PRKN: variants seen among roughly 807,000 people sequenced by gnomAD.
The protein encoded by PRKN is E3 ubiquitin-protein ligase parkin.
A neutral mutation model predicts 59.5 loss-of-function variants in PRKN; 56 were observed. The observed-to-expected ratio is 0.94, with a 90% confidence interval of 0.76 to 1.18. The LOEUF (loss-of-function observed/expected upper bound fraction) is 1.18, where lower values mean the gene tolerates loss of function less well. Ranked by LOEUF, PRKN falls within the 50% of genes most tolerant of loss-of-function variation. PRKN has a pLI of 0.00. For synonymous variants in PRKN, 250 were observed against 222.1 expected (o/e 1.13, Z -1.12); for missense variants, 657 against 596.4 (o/e 1.10, Z -1.06).
chr6:161,580,210 C>A (rs1186777725), intron 7 of PRKN, among the ~76,000 whole-genome samples: 1 of 152,124 alleles, frequency 6.6e-6, no homozygotes, highest in Non-Finnish European at 1.5e-5. Context: ...AGTAATTATT[C>A]TTTATTTTAA....
chr6:161,643,496 G>T (rs9456695), intron 7 of PRKN, among the ~76,000 whole-genome samples: 1 of 151,982 alleles, frequency 6.6e-6, no homozygotes, highest in African/African-American at 2.4e-5. Flanking sequence ...GTTTACTCTC[G>T]GAAAAATAAT....
chr6:161,416,833 G>C (rs1020029609), intron 9 of PRKN, among the ~76,000 whole-genome samples: 13 of 152,168 alleles, frequency 8.5e-5, no homozygotes, highest in African/African-American at 3.1e-4. Flanking sequence ...TCCTGCCCAG[G>C]GGCCTTGGCG....
intron 6 of PRKN, among the ~76,000 whole-genome samples, chr6:161,910,892 T>C (rs987117571): frequency 6.6e-6 from 1 of 152,192 alleles, no homozygotes; most frequent in Admixed American, 6.5e-5. Flanking sequence ...GTTAGCATGT[T>C]TTAGCAATAA....
chr6:162,103,042 C>CAAAAAAAAAAAAAAAAAAAAAAAAAA (rs1163020488), intron 4 of PRKN, among the ~76,000 whole-genome samples: 1 of 54,336 alleles, frequency 1.8e-5, no homozygotes. Context: ...GACTCTGTCT[C>CAAAAAAAAAAAAAAAAAAAAAAAAAA]AAAAAAAAAA....
intron 1 of PRKN, among the ~76,000 whole-genome samples, chr6:162,539,760 C>T (rs1302140655): frequency 3.3e-5 from 5 of 151,954 alleles, no homozygotes; most frequent in Admixed American, 6.6e-5. Context: ...TGCAGCTATG[C>T]GAAATTTAAT....
At chr6:162,434,748 T>A (rs1300284151) in intron 2 of PRKN, among the ~76,000 whole-genome samples, 3 of 152,224 alleles carry the variant, frequency 2.0e-5, no homozygotes, top group Non-Finnish European at 4.4e-5. Flanking sequence ...CCCAAGCCCA[T>A]ATATAAATAG....
intron 6 of PRKN, among the ~76,000 whole-genome samples, chr6:161,939,013 T>A (rs1251884314): frequency 6.6e-6 from 1 of 152,204 alleles, no homozygotes; most frequent in Non-Finnish European, 1.5e-5. Flanking sequence ...TAAAAAATTA[T>A]ACTTTTAACA....
At position 161,622,536 on chromosome 6, in the gene PRKN, TC is replaced by T. The variant is rs542993852; in HGVS notation, c.872-53121del. ...AGCCACAAGCCCTCACCTCTCATCC[TC>T]CCCCACACTCTATGCAGCCTTCTTG... On this transcript the variant is annotated intron_variant, in intron 7 of 11. Coordinates refer to ENST00000366898, the MANE Select transcript of PRKN (RefSeq NM_004562.3). Among the ~76,000 whole-genome samples, 236 of 152,032 alleles carry T rather than the reference TC, an allele frequency of 1.6e-3. 1 individual carries two copies. The highest frequency in any genetic ancestry group is 6.8e-3 in the Middle Eastern group (2 of 292).
intron 2 of PRKN, among the ~76,000 whole-genome samples, chr6:162,400,185 T>C (rs1787693131): frequency 6.6e-6 from 1 of 151,180 alleles, no homozygotes; most frequent in African/African-American, 2.4e-5. Context: ...CCAGCCTGGG[T>C]GACAGAGCAA....
intron 4 of PRKN, among the ~76,000 whole-genome samples, chr6:162,105,612 C>T (rs1780162578): frequency 6.6e-6 from 1 of 152,084 alleles, no homozygotes; most frequent in Admixed American, 6.6e-5. Flanking sequence ...CTTGGCCAGG[C>T]GGGTCTCAAA....
rs1002274722 is a variant in PRKN at position 161,466,456 on chromosome 6, C to T, written c.1084-79579G>A. Among the ~76,000 whole-genome samples, 3 of 152,086 alleles carry T rather than the reference C, an allele frequency of 2.0e-5. No individual in the cohort carries two copies. Among genetic ancestry groups the T allele is most frequent in the African/African-American group, 7.2e-5 (3 of 41,392 alleles). On this transcript the variant is annotated intron_variant, in intron 9 of 11. Coordinates refer to ENST00000366898, the MANE Select transcript of PRKN (RefSeq NM_004562.3). The surrounding 1 kb of genome is among the most constrained non-coding windows in gnomAD (Gnocchi z 5.0). ...CTAGAAAATAGTTTTATCATTTCTC[C>T]TCCAGTCAACTAGTTTCTATTTTTG...
rs538083547 is a variant in PRKN, at chr6:162,486,068, T to C, written c.8-42595A>G. Among the ~76,000 whole-genome samples the C allele has an allele frequency of 3.9e-5, 6 of 152,310 alleles. No individual in the cohort carries two copies. In the South Asian group the frequency reaches 1.0e-3, roughly 26 times the overall value. ...TTAAATTATAAAATGAATTGCTCTT[T>C]TATTTTTGAAACGTGCATACACTTT... On this transcript the variant is annotated intron_variant, in intron 1 of 11. Coordinates refer to ENST00000366898, the MANE Select transcript of PRKN (RefSeq NM_004562.3).
chr6:162,338,584 C>A (rs1247123751), intron 2 of PRKN, among the ~76,000 whole-genome samples: 1 of 152,076 alleles, frequency 6.6e-6, no homozygotes, highest in Admixed American at 6.5e-5. Context: ...AGTGCAGTGG[C>A]GTGATCTCGG....
chr6:161,932,299 T>C (rs945765735), intron 6 of PRKN, among the ~76,000 whole-genome samples: 2 of 152,138 alleles, frequency 1.3e-5, no homozygotes, highest in Non-Finnish European at 2.9e-5. Context: ...TCCTCCCACA[T>C]AATGTTTAAG....
At chr6:161,753,720 T>C (rs557779654) in intron 7 of PRKN, among the ~76,000 whole-genome samples, 1 of 152,262 alleles carries the variant, frequency 6.6e-6, no homozygotes, top group East Asian at 1.9e-4. Context: ...GGGGCTCGGC[T>C]TGGAGCAAGG....
At chr6:162,040,406 CTTTTTTT>C (rs35510397) in intron 5 of PRKN, among the ~76,000 whole-genome samples, 1 of 139,732 alleles carries the variant, frequency 7.2e-6, no homozygotes, top group Non-Finnish European at 1.6e-5. Flanking sequence ...ATTAGAACCA[CTTTTTTT>C]TTTTTTTTTG....
chr6:161,569,140 T>C (rs772961798), intron 8 of PRKN, among the ~76,000 whole-genome samples: 15 of 152,246 alleles, frequency 9.9e-5, no homozygotes, highest in Non-Finnish European at 2.2e-4. Context: ...TGCACTGCAC[T>C]GGCAGATAGC....
intron 9 of PRKN, among the ~76,000 whole-genome samples, chr6:161,464,819 C>A (rs1340815508): frequency 6.6e-6 from 1 of 152,230 alleles, no homozygotes; most frequent in African/African-American, 2.4e-5. Context: ...ACGAATTAGT[C>A]AAATGTCAGG....
At chr6:161,505,362 T>C (rs1778122393) in intron 9 of PRKN, among the ~76,000 whole-genome samples, 1 of 59,280 alleles carries the variant, frequency 1.7e-5, no homozygotes, top group East Asian at 3.6e-4. Context: ...GCCCACTCTT[T>C]GATGGGGTTG....
Sources: allele counts gnomAD v4.1 joint callset (sites outside exome capture counted in the v4.1 genomes callset), GRCh38; gene constraint gnomAD v4.1.1; non-coding constraint Gnocchi (gnomAD v3.1); transcripts MANE v1.5; gene names NCBI Gene and HGNC (gene_info 2026-07-23, HGNC 2026-07-21).